Variants in RBM19 observed in about 807,000 individuals in gnomAD.
The protein encoded by RBM19 is RNA binding motif protein 19, also known as probable RNA-binding protein 19.
In RBM19, 94 loss-of-function variants were observed where a neutral mutation model predicts 116.8. The ratio of observed to expected loss-of-function variants is 0.80; its 90% CI spans 0.68 to 0.95. The LOEUF (loss-of-function observed/expected upper bound fraction) is 0.95, where lower values mean the gene tolerates loss of function less well. RBM19 is among the 40% of genes least tolerant of loss of function. RBM19 has a pLI of 0.00. For missense variants in RBM19, 1,161 were observed against 1,220.7 expected (o/e 0.95, Z 0.73); for synonymous variants, 475 against 494.1 (o/e 0.96, Z 0.51).
chr12:113,831,907 C>T (rs2135694458), intron 23 of RBM19, among the ~76,000 whole-genome samples: 1 of 152,336 alleles, frequency 6.6e-6, no homozygotes, highest in South Asian at 2.1e-4. Context: ...CCTCCCTGCA[C>T]TGCTGCAGGG....
At chr12:113,835,685 G>A (rs1875817122) in intron 23 of RBM19, among the ~76,000 whole-genome samples, 1 of 152,212 alleles carries the variant, frequency 6.6e-6, no homozygotes, top group South Asian at 2.1e-4. Flanking sequence ...ACTTCTCCGG[G>A]CACTCTGCTC....
intron 21 of RBM19, among the ~76,000 whole-genome samples, chr12:113,870,342 G>C (rs59456286): frequency 6.6e-6 from 1 of 152,080 alleles, no homozygotes; most frequent in Non-Finnish European, 1.5e-5. Flanking sequence ...CGCCTGCCAC[G>C]TCTCCTACAG....
intron 11 of RBM19, 42 bp from the exon 12 acceptor site, chr12:113,946,517 C>T: frequency 2.5e-6 from 4 of 1,612,698 alleles, no homozygotes; most frequent in Non-Finnish European, 3.4e-6. Context: ...GAAGCCTTGC[C>T]TGTAAGCCCT....
In RBM19 at chr12:113,959,347, C is replaced by T. The variant is rs774714207; in HGVS notation, c.436G>A (p.Ala146Thr). Reference sequence around the variant, plus strand: ...AGGCCATCATTCGCCCAAGTGGCTGCCTGCGCCCGCCTCTGATGAACTGAC... The same window carrying T: ...AGGCCATCATTCGCCCAAGTGGCTGTCTGCGCCCGCCTCTGATGAACTGAC... Reference protein sequence around the residue: ...FLSVHQRRAQAATWANDGLDA... With the variant: ...FLSVHQRRAQTATWANDGLDA... Residue 146 changes from alanine (A) to threonine (T), a missense_variant, in exon 5 of 24, where the codon GCA (alanine) becomes ACA (threonine). Transcript: ENST00000261741. The T allele has an allele frequency of 3.1e-6, 5 of 1,613,140 alleles. No individual in the cohort carries two copies. In the Admixed American group the frequency reaches 8.3e-5, roughly 27 times the overall value.
At chr12:113,963,718 C>A (rs1362464494) in intron 1 of RBM19, among the ~76,000 whole-genome samples, 1 of 152,186 alleles carries the variant, frequency 6.6e-6, no homozygotes, top group Non-Finnish European at 1.5e-5. Flanking sequence ...CATTCCTTTG[C>A]CAAAAACCTT....
chr12:113,963,253 C>T (rs140201384), intron 1 of RBM19, among the ~76,000 whole-genome samples: 242 of 152,320 alleles, frequency 1.6e-3, no homozygotes, highest in African/African-American at 5.3e-3. Context: ...AAAACTAACA[C>T]ACTATTATTA....
At chr12:113,906,809 A>T (rs764400477) in intron 21 of RBM19, among the ~76,000 whole-genome samples, 17 of 152,162 alleles carry the variant, frequency 1.1e-4, no homozygotes, top group Non-Finnish European at 2.2e-4. Flanking sequence ...TGAAACCTGT[A>T]ATGTGACCTT....
chr12:113,905,802 C>G (rs1425161314), intron 21 of RBM19, among the ~76,000 whole-genome samples: 1 of 152,142 alleles, frequency 6.6e-6, no homozygotes, highest in Admixed American at 6.5e-5. Context: ...AAGACTTGAA[C>G]AGACATCCCA....
At chr12:113,907,964 G>A (rs1406302248) in intron 21 of RBM19, among the ~76,000 whole-genome samples, 2 of 152,180 alleles carry the variant, frequency 1.3e-5, no homozygotes, top group Non-Finnish European at 2.9e-5. Context: ...GATGCCCCCT[G>A]ACCTAGGGCC....
chr12:113,837,639 T>C (rs1400461777), intron 23 of RBM19, among the ~76,000 whole-genome samples: 4 of 152,172 alleles, frequency 2.6e-5, no homozygotes, highest in Non-Finnish European at 1.5e-5. Flanking sequence ...CACATTCAGG[T>C]AAAATGCAAG....
intron 21 of RBM19, among the ~76,000 whole-genome samples, chr12:113,891,315 C>T (rs1045818457): frequency 3.9e-5 from 6 of 152,326 alleles, no homozygotes; most frequent in African/African-American, 1.4e-4. Flanking sequence ...GGCTGTTCCT[C>T]CCATGGGGAA....
chr12:113,905,803 A>T (rs1211703078), intron 21 of RBM19, among the ~76,000 whole-genome samples: 2 of 152,244 alleles, frequency 1.3e-5, no homozygotes, highest in Non-Finnish European at 2.9e-5. Context: ...AGACTTGAAC[A>T]GACATCCCAC....
chr12:113,819,143 A>G (rs1244819596), downstream of RBM19, among the ~76,000 whole-genome samples: 2 of 152,150 alleles, frequency 1.3e-5, no homozygotes, highest in African/African-American at 4.8e-5. Flanking sequence ...TGGGAGACGG[A>G]CGTGAGGACA....
intron 22 of RBM19, among the ~76,000 whole-genome samples, chr12:113,853,458 C>A (rs1877631979): frequency 6.6e-6 from 1 of 152,198 alleles, no homozygotes; most frequent in Non-Finnish European, 1.5e-5. Context: ...TGCAAAAGTA[C>A]AAAGGCACGG....
intron 23 of RBM19, among the ~76,000 whole-genome samples, chr12:113,834,587 T>C (rs562135299): frequency 1.3e-5 from 2 of 152,314 alleles, no homozygotes; most frequent in South Asian, 2.1e-4. Flanking sequence ...CTAGACGATA[T>C]ATGAACAAAT....
intron 21 of RBM19, among the ~76,000 whole-genome samples, chr12:113,892,908 A>G (rs1021260240): frequency 6.6e-6 from 1 of 152,156 alleles, no homozygotes; most frequent in Non-Finnish European, 1.5e-5. Context: ...GGAGGAAATA[A>G]AAAGTGCCTA....
intron 21 of RBM19, among the ~76,000 whole-genome samples, chr12:113,888,051 C>T (rs1361332948): frequency 6.6e-6 from 1 of 152,152 alleles, no homozygotes; most frequent in Non-Finnish European, 1.5e-5. Context: ...TCCCTGAGGC[C>T]ACCTGGATGC....
chr12:113,958,663 T>G (rs914874276), intron 5 of RBM19, among the ~76,000 whole-genome samples: 2 of 152,152 alleles, frequency 1.3e-5, no homozygotes, highest in African/African-American at 4.8e-5. Context: ...TCTTCTCACC[T>G]TTAGACCCAA....
At chr12:113,939,859 A>C in intron 15 of RBM19, 101 bp downstream of exon 15, 1 of 1,299,924 alleles carries the variant, frequency 7.7e-7, no homozygotes, top group South Asian at 1.3e-5. Flanking sequence ...GTGAGCTCCC[A>C]TGTGCCACAT....
Sources: gnomAD v4.1 joint callset for allele counts (sites outside exome capture counted in the v4.1 genomes callset) on GRCh38, gnomAD v4.1.1 for gene constraint, MANE v1.5 for transcripts, NCBI Gene and HGNC (gene_info 2026-07-23, HGNC 2026-07-21) for gene names.